Variants in CAGE1 observed in about 807,000 individuals in gnomAD.
The protein encoded by CAGE1 is cancer antigen 1.
CAGE1 carries 66 observed loss-of-function variants against 94.9 expected under a neutral mutation model. The ratio of observed to expected loss-of-function variants is 0.70; its 90% confidence interval spans 0.57 to 0.85. CAGE1 has a LOEUF of 0.85. Among genes scored for constraint, CAGE1 ranks in the 40% least tolerant of loss-of-function variants. The probability of loss-of-function intolerance (pLI) is 0.00; values close to 1 mark genes in which losing one functional copy is unlikely to be tolerated. For synonymous variants in CAGE1, 319 were observed against 321.0 expected (o/e 0.99, Z 0.07); for missense variants, 865 against 950.4 (o/e 0.91, Z 1.18).
intron 13 of CAGE1, among the ~76,000 whole-genome samples, chr6:7,328,570 A>T (rs1758612344): frequency 6.6e-6 from 1 of 152,170 alleles, no homozygotes; most frequent in Non-Finnish European, 1.5e-5. Context: ...GCATAGAGGT[A>T]GGAAGTAGAA....
At chr6:7,365,015 G>C (rs1454621495) in intron 9 of CAGE1, among the ~76,000 whole-genome samples, 1 of 152,036 alleles carries the variant, frequency 6.6e-6, no homozygotes, top group East Asian at 1.9e-4. Flanking sequence ...TAAGTATCTA[G>C]ATTCTAAGAT....
At chr6:7,351,172 T>C (rs1759753523) in intron 11 of CAGE1, among the ~76,000 whole-genome samples, 1 of 152,146 alleles carries the variant, frequency 6.6e-6, no homozygotes, top group Non-Finnish European at 1.5e-5. Context: ...TATGAACATC[T>C]TTACACACAT....
At position 7,365,643 on chromosome 6, in the gene CAGE1, A is replaced by G. The variant is rs982983558; in HGVS notation, c.2086-68T>C. ...CTCCTTGGAATACCTGACAATAAAT[A>G]CTTTATTAGTTTAAAAATCAAAGAG... On this transcript the variant is annotated intron_variant, in intron 8 of 13. Coordinates refer to ENST00000502583, the MANE Select transcript of CAGE1 (RefSeq NM_001170692.2). 7 of 1,502,648 alleles carry G rather than the reference A, an allele frequency of 4.7e-6. No homozygotes were observed. The African/African-American group carries it at 9.7e-5, about 21-fold the overall frequency. The allele number at this position is 1,502,648 out of a possible 1,614,324, so 93.1% of individuals were successfully genotyped here. A position where few individuals can be genotyped will look rare whatever the true frequency, so the allele number is the denominator to read the frequency against.
chr6:7,345,124 G>GTAA (rs1561851596), intron 11 of CAGE1, among the ~76,000 whole-genome samples: 1 of 148,826 alleles, frequency 6.7e-6, no homozygotes, highest in Non-Finnish European at 1.5e-5. Flanking sequence ...TTGCTCTTTA[G>GTAA]ATCCATATTG....
intron 13 of CAGE1, among the ~76,000 whole-genome samples, chr6:7,327,621 C>T (rs1758580092): frequency 6.6e-6 from 1 of 152,132 alleles, no homozygotes; most frequent in African/African-American, 2.4e-5. Flanking sequence ...GATTTAGCAG[C>T]ATGGCATAGT....
Position 7,378,882 on chromosome 6 carries a change from G to C in CAGE1, c.422C>G (p.Pro141Arg). 1 of 1,610,990 alleles carries C rather than the reference G, an allele frequency of 6.2e-7. No homozygotes were observed. Among genetic ancestry groups the C allele is most frequent in the East Asian group, 2.2e-5 (1 of 44,856 alleles). The change falls in exon 4 of 14, where the codon CCA (proline) becomes CGA (arginine). Residue 141 changes from proline (P) to arginine (R), a missense_variant. Physicochemically the swap from Pro to Arg is moderately radical, Grantham distance 103. Coordinates refer to ENST00000502583, the MANE Select transcript of CAGE1 (RefSeq NM_001170692.2). ...EAFDDEMTEK[P>R]EFQSQVYNYA... ...ATTATACACTTGACTTTGAAATTCT[G>C]GCTTCTCTGTCATTTCATCATCAAA...
At chr6:7,344,276 C>T (rs559655807) in intron 11 of CAGE1, among the ~76,000 whole-genome samples, 449 of 152,318 alleles carry the variant, frequency 2.9e-3, no homozygotes, top group African/African-American at 9.6e-3. Flanking sequence ...GCTGGAGTTC[C>T]GGGTAGGCGT....
intron 11 of CAGE1, among the ~76,000 whole-genome samples, chr6:7,337,485 T>C (rs1759001226): frequency 6.6e-6 from 1 of 152,194 alleles, no homozygotes. Flanking sequence ...TTCTAGATAT[T>C]TTATGGTTTT....
chr6:7,336,144 C>T (rs926423825), intron 11 of CAGE1, among the ~76,000 whole-genome samples: 1 of 152,182 alleles, frequency 6.6e-6, no homozygotes, highest in Non-Finnish European at 1.5e-5. Context: ...TACCAAAAGC[C>T]TGAGTCTATC....
intron 11 of CAGE1, chr6:7,341,889 C>G: frequency 1.4e-6 from 1 of 690,150 alleles, no homozygotes. Flanking sequence ...GGTGCCCTCT[C>G]CAATCAGGGT....
At chr6:7,329,278 A>G in intron 13 of CAGE1, 1 of 385,952 alleles carries the variant, frequency 2.6e-6, no homozygotes, top group Non-Finnish European at 4.6e-6. Context: ...TAAAAAGAAA[A>G]GAAAAAAAAA....
intron 11 of CAGE1, among the ~76,000 whole-genome samples, chr6:7,345,375 A>T (rs897768721): frequency 1.3e-5 from 2 of 152,116 alleles, no homozygotes; most frequent in Non-Finnish European, 2.9e-5. Context: ...GAACATCAGA[A>T]GGAACAAACG....
At chr6:7,364,383 G>T (rs1304263407) in intron 9 of CAGE1, among the ~76,000 whole-genome samples, 1 of 152,054 alleles carries the variant, frequency 6.6e-6, no homozygotes. Flanking sequence ...TAGTACCAGG[G>T]TTTATGTTTT....
intron 11 of CAGE1, among the ~76,000 whole-genome samples, chr6:7,353,131 G>T (rs552603014): frequency 1.3e-5 from 2 of 152,114 alleles, no homozygotes; most frequent in Non-Finnish European, 1.5e-5. Flanking sequence ...GAAAATCTTC[G>T]CACTCTATAC....
At chr6:7,382,458 T>G (rs937357242) in intron 3 of CAGE1, among the ~76,000 whole-genome samples, 3 of 151,854 alleles carry the variant, frequency 2.0e-5, no homozygotes, top group Non-Finnish European at 4.4e-5. Flanking sequence ...CGCGCCACTA[T>G]GCCCAGCTAA....
At chr6:7,389,056 T>C (rs1246549546) in intron 1 of CAGE1, 146 bp downstream of exon 1, 36 of 315,804 alleles carry the variant, frequency 1.1e-4, no homozygotes, top group Non-Finnish European at 2.2e-4. Context: ...GTTGGATTTT[T>C]AACATATTTA....
chr6:7,386,968 G>A lies in CAGE1; in HGVS notation c.195+11C>T. ...CATCTGAGCCTCCTGGAACTTATAAGCAATGCACACCTGAGGCAAGTCACA... is the reference window on the plus strand; with the variant it reads ...CATCTGAGCCTCCTGGAACTTATAAACAATGCACACCTGAGGCAAGTCACA... On this transcript the variant is annotated intron_variant, in intron 2 of 13. Transcript: ENST00000502583. The A allele has an allele frequency of 6.5e-7, 1 of 1,528,254 alleles. No individual in the cohort carries two copies. Among genetic ancestry groups the A allele is most frequent in the Non-Finnish European group, 8.9e-7 (1 of 1,125,630 alleles). The allele number at this position is 1,528,254 out of a possible 1,614,324, so 94.7% of individuals were successfully genotyped here. A position where few individuals can be genotyped will look rare whatever the true frequency, so the allele number is the denominator to read the frequency against.
intron 6 of CAGE1, among the ~76,000 whole-genome samples, 171 bp downstream of exon 6, chr6:7,369,748 A>G (rs1019269054): frequency 2.0e-5 from 3 of 152,206 alleles, no homozygotes; most frequent in African/African-American, 7.2e-5. Context: ...ATAAGCAGAA[A>G]GAAGACATGG....
intron 7 of CAGE1, among the ~76,000 whole-genome samples, chr6:7,366,967 A>T (rs935321204): frequency 3.3e-5 from 5 of 152,192 alleles, no homozygotes; most frequent in Non-Finnish European, 7.4e-5. Flanking sequence ...TCAGTATAAT[A>T]ATAATCTTAA....
Sources: allele counts gnomAD v4.1 joint callset (sites outside exome capture counted in the v4.1 genomes callset), GRCh38; gene constraint gnomAD v4.1.1; transcripts MANE v1.5; gene names NCBI Gene and HGNC (gene_info 2026-07-23, HGNC 2026-07-21).